SCN11A: variants seen among roughly 807,000 people sequenced by gnomAD.
SCN11A encodes sodium voltage-gated channel alpha subunit 11.
SCN11A carries 122 observed loss-of-function variants against 162.2 expected under a neutral mutation model. That is an observed-to-expected ratio of 0.75 (90% confidence interval 0.65 to 0.87). SCN11A has a LOEUF of 0.87. SCN11A is among the 40% of genes least tolerant of loss of function. SCN11A has a pLI of 0.00. For synonymous variants in SCN11A, 758 were observed against 751.5 expected (o/e 1.01, Z -0.14); for missense variants, 2,015 against 2,181.6 (o/e 0.92, Z 1.52).
chr3:38,907,726 C>T (rs1000349944), intron 14 of SCN11A, among the ~76,000 whole-genome samples: 1 of 152,106 alleles, frequency 6.6e-6, no homozygotes, highest in Non-Finnish European at 1.5e-5. Flanking sequence ...ATCCCTAGCA[C>T]CTATCCCAGT....
chr3:39,020,333 G>A (rs150192293), intron 2 of SCN11A, among the ~76,000 whole-genome samples: 1 of 152,358 alleles, frequency 6.6e-6, no homozygotes, highest in East Asian at 1.9e-4. Context: ...TGCAACGGAT[G>A]TTACTGATCT....
chr3:38,857,389 G>A (rs948915563), intron 28 of SCN11A, among the ~76,000 whole-genome samples: 10 of 151,912 alleles, frequency 6.6e-5, no homozygotes, highest in African/African-American at 2.2e-4. Context: ...AATAGACTAG[G>A]ACAAGTAGAA....
At chr3:38,850,142 G>T (rs1295645483) in intron 29 of SCN11A, 1 of 210,054 alleles carries the variant, frequency 4.8e-6, no homozygotes, top group Admixed American at 5.6e-5. Flanking sequence ...AGTTGCACAG[G>T]AAAGGTAGAA....
At position 38,846,898 on chromosome 3, in the gene SCN11A, T is replaced by C; in HGVS notation, c.5172A>G (p.Ile1724Met). The C allele has an allele frequency of 6.2e-7, 1 of 1,614,098 alleles. No individual in the cohort carries two copies. The highest frequency in any genetic ancestry group is 8.5e-7 in the Non-Finnish European group (1 of 1,180,000). ...CTTCCTTTCTCTTGGTGGTGGTGACTATGGGTTCATACAACTTCTTGAGAG... is the reference window on the plus strand; with the variant it reads ...CTTCCTTTCTCTTGGTGGTGGTGACCATGGGTTCATACAACTTCTTGAGAG... The part of the protein sequence containing the change: ...ANPLKKLYEP[I>M]VTTTKRKEEE... Residue 1724 changes from isoleucine (I) to methionine (M), a missense_variant, in exon 30 of 30, where the codon ATA (isoleucine) becomes ATG (methionine). Coordinates refer to ENST00000302328, the MANE Select transcript of SCN11A (RefSeq NM_001349253.2).
intron 7 of SCN11A, among the ~76,000 whole-genome samples, chr3:38,934,547 T>G (rs531592946): frequency 6.6e-6 from 1 of 151,200 alleles, no homozygotes; most frequent in Non-Finnish European, 1.5e-5. Context: ...ACCAAGCAAA[T>G]GGAAAACAAA....
intron 16 of SCN11A, among the ~76,000 whole-genome samples, chr3:38,902,807 G>C (rs1335674270): frequency 6.6e-6 from 1 of 151,406 alleles, no homozygotes; most frequent in Non-Finnish European, 1.5e-5. Flanking sequence ...GTGAGCCACT[G>C]TGCTCGGCTG....
intron 7 of SCN11A, among the ~76,000 whole-genome samples, chr3:38,939,951 C>G (rs1249993227): frequency 6.6e-6 from 1 of 150,624 alleles, no homozygotes; most frequent in Non-Finnish European, 1.5e-5. Flanking sequence ...AGGAGCCATA[C>G]AAGTCATCAA....
intron 29 of SCN11A, chr3:38,849,255 C>T (rs928467509): frequency 1.7e-5 from 2 of 117,332 alleles, no homozygotes; most frequent in African/African-American, 8.5e-5. Context: ...CATTTTCTAG[C>T]CCTTTTTTTT....
chr3:38,907,083 C>T (rs2065804295), intron 14 of SCN11A, among the ~76,000 whole-genome samples: 1 of 151,938 alleles, frequency 6.6e-6, no homozygotes, highest in South Asian at 2.1e-4. Context: ...TGACACACTG[C>T]ATCTTCTGGG....
rs144377677 is a variant in SCN11A, at chr3:38,867,432, G to C, written c.3840C>G (p.Ser1280Arg). 6.2e-7 allele frequency: 1 copy of C among 1,611,382 alleles called. No homozygotes were observed. The highest frequency in any genetic ancestry group is 8.5e-7 in the Non-Finnish European group (1 of 1,178,766). The change falls in exon 27 of 30, where the codon AGC becomes AGG. Residue 1280 changes from serine (S) to arginine (R), a missense_variant. Transcript: ENST00000302328. The stretch of plus-strand genomic sequence containing the variant: ...CGAAGTAAATGTAACCGAGTGAATT[G>C]CTCTCAAACTCTGGCTGTTGTTCTT... ...TEKEQQPEFE[S>R]NSLGYIYFVV...
chr3:38,858,260 T>C (rs1575213167), intron 28 of SCN11A, among the ~76,000 whole-genome samples: 1 of 152,136 alleles, frequency 6.6e-6, no homozygotes, highest in Admixed American at 6.5e-5. Flanking sequence ...AAGCATCTAC[T>C]GTCTTCAAGA....
chr3:38,872,286 C>A lies in SCN11A; in HGVS notation c.3402G>T (p.Val1134=). Residue 1134 remains valine, a synonymous_variant, in exon 24 of 30, where the codon GTG becomes GTT. Coordinates refer to ENST00000302328, the MANE Select transcript of SCN11A (RefSeq NM_001349253.2). ...ATTCCATTAAGTTAATGAGGGTGGT[C>A]ACAGAGACCTGATGGGAAGAGAGGC... is the stretch of plus-strand genomic sequence containing the variant. ...CLDFIIVIVS[V]TTLINLMELK... is the part of the protein sequence containing the mutation. The A allele has an allele frequency of 6.3e-7, 1 of 1,585,326 alleles. No homozygotes were observed. Among genetic ancestry groups the A allele is most frequent in the South Asian group, 1.1e-5 (1 of 90,406 alleles).
intron 7 of SCN11A, among the ~76,000 whole-genome samples, chr3:38,941,412 T>C (rs2066441161): frequency 6.6e-6 from 1 of 152,152 alleles, no homozygotes; most frequent in South Asian, 2.1e-4. Context: ...AAGGAAGTTG[T>C]TCAGGCTAAA....
chr3:38,923,547 G>T (rs1331319825), intron 9 of SCN11A, among the ~76,000 whole-genome samples: 4 of 152,080 alleles, frequency 2.6e-5, no homozygotes, highest in Non-Finnish European at 5.9e-5. Context: ...AGTCATTTTT[G>T]ACTCCTCTCT....
rs151100517 is a variant in SCN11A at position 38,850,486 on chromosome 3, A to G, written c.4322T>C (p.Ile1441Thr). 60 of 1,611,536 alleles carry G rather than the reference A, an allele frequency of 3.7e-5. No individual in the cohort carries two copies. In the Admixed American group the frequency reaches 6.0e-4, roughly 16 times the overall value. ...TGACTGCTGATTTTACTTACTAACAATGGAAAGAAGCACGACCACACAGTC... is the reference window on the plus strand; with the variant it reads ...TGACTGCTGATTTTACTTACTAACAGTGGAAAGAAGCACGACCACACAGTC... ...LFDCVVVLLS[I>T]VSTMISTLEN... Residue 1441 changes from isoleucine (I) to threonine (T), a missense_variant, in exon 29 of 30, where the codon ATT (isoleucine) becomes ACT (threonine). By Grantham distance (89) the Ile-to-Thr change is moderately conservative. Coordinates refer to ENST00000302328, the MANE Select transcript of SCN11A (RefSeq NM_001349253.2).
At chr3:38,911,274 A>T (rs2065883861) in intron 11 of SCN11A, among the ~76,000 whole-genome samples, 1 of 152,088 alleles carries the variant, frequency 6.6e-6, no homozygotes, top group South Asian at 2.1e-4. Context: ...TTCCATTTTC[A>T]CAATCAATTG....
chr3:38,898,466 A>G (rs1354707811), intron 17 of SCN11A, among the ~76,000 whole-genome samples: 1 of 152,206 alleles, frequency 6.6e-6, no homozygotes, highest in African/African-American at 2.4e-5. Context: ...TTACAGAAAA[A>G]GTTTGCTAAC....
chr3:38,920,024 A>G, intron 10 of SCN11A, 23 bp from the exon 11 acceptor site: 1 of 1,572,456 alleles, frequency 6.4e-7, no homozygotes, highest in Non-Finnish European at 8.7e-7. Flanking sequence ...AAAGTCATAA[A>G]TTCAGATTTT....
chr3:38,972,938 T>C (rs2066825133), intron 2 of SCN11A, among the ~76,000 whole-genome samples: 1 of 152,182 alleles, frequency 6.6e-6, no homozygotes, highest in Non-Finnish European at 1.5e-5. Context: ...TAGGAACATG[T>C]AGAGCTGTGT....
Sources: allele counts gnomAD v4.1 joint callset (sites outside exome capture counted in the v4.1 genomes callset), GRCh38; gene constraint gnomAD v4.1.1; transcripts MANE v1.5; gene names NCBI Gene and HGNC (gene_info 2026-07-23, HGNC 2026-07-21).